ANKRD62: variants seen among roughly 807,000 people sequenced by gnomAD.
ANKRD62 encodes ankyrin repeat domain 62.
In ANKRD62, 61 loss-of-function variants were observed where a neutral mutation model predicts 98.8. The observed-to-expected ratio is 0.62, with a 90% CI of 0.50 to 0.76. ANKRD62 has a LOEUF of 0.76. Among genes scored for constraint, ANKRD62 ranks in the 30% least tolerant of loss-of-function variants. ANKRD62 has a pLI of 0.00. For missense variants in ANKRD62, 933 were observed against 1,082.9 expected, an observed-to-expected ratio of 0.86 and a Z score of 1.94; for synonymous variants, 341 against 367.9, an observed-to-expected ratio of 0.93 and a Z score of 0.84.
chr18:12,166,327 TAA>T, the ANKRD62 span, among the ~76,000 whole-genome samples: 1 of 152,130 alleles, frequency 6.6e-6, no homozygotes, highest in Non-Finnish European at 1.5e-5. Flanking sequence ...TTATTCTTTT[TAA>T]TTTTTTGACT....
Position 12,125,725 on chromosome 18 carries a change from T to C in ANKRD62, c.1904T>C (p.Leu635Pro). 1.3e-6 allele frequency: 2 copies of C among 1,542,944 alleles called. No homozygotes were observed. The highest frequency in any genetic ancestry group is 1.7e-6 in the Non-Finnish European group (2 of 1,146,922). Residue 635 changes from leucine (L) to proline (P), a missense_variant, in exon 13 of 14, where the codon CTC becomes CCC. Leu to Pro is a moderately conservative substitution (Grantham distance 98). Coordinates refer to ENST00000587848, the MANE Select transcript of ANKRD62 (RefSeq NM_001277333.2). ...GTTCTGATGGATGAGAATACAATGC[T>C]CAATTCTGAGCTACAGAAGGAAAAA... is the stretch of plus-strand genomic sequence containing the variant. ...LNVLMDENTM[L>P]NSELQKEKQS...
Position 12,095,606 on chromosome 18 carries a change from G to T in ANKRD62, c.503G>T (p.Ser168Ile). 6.6e-7 allele frequency: 1 copy of T among 1,510,790 alleles called. No homozygotes were observed. Among genetic ancestry groups the T allele is most frequent in the Admixed American group, 2.1e-5 (1 of 47,816 alleles). The allele number at this position is 1,510,790 out of a possible 1,614,324, so 93.6% of individuals were successfully genotyped here. ...TATGGTGCAGATATTGAAGCAAGAAGCCAGGTATGATCAACCAATGTTCTT... is the reference window on the plus strand; with the variant it reads ...TATGGTGCAGATATTGAAGCAAGAATCCAGGTATGATCAACCAATGTTCTT... ...LAYGADIEAR[S>I]QDGHTSLLLA... The change falls in exon 3 of 14, where the codon AGC (serine) becomes ATC (isoleucine). Residue 168 changes from serine to isoleucine, a missense_variant. By Grantham distance (142) the Ser-to-Ile change is moderately radical. Coordinates refer to ENST00000587848, the MANE Select transcript of ANKRD62 (RefSeq NM_001277333.2).
chr18:12,133,667 A>G (rs1384822061), downstream of ANKRD62, among the ~76,000 whole-genome samples: 1 of 151,830 alleles, frequency 6.6e-6, no homozygotes, highest in Non-Finnish European at 1.5e-5. Context: ...GCCATTGTCT[A>G]TGTTCTTAGA....
downstream of ANKRD62, among the ~76,000 whole-genome samples, chr18:12,130,799 C>T (rs1188016430): frequency 6.6e-6 from 1 of 152,020 alleles, no homozygotes; most frequent in African/African-American, 2.4e-5. Flanking sequence ...TTCAGGCAAT[C>T]CCCTGCCCCA....
the ANKRD62 span, among the ~76,000 whole-genome samples, chr18:12,149,781 CTAT>C: frequency 5.2e-5 from 7 of 135,102 alleles, no homozygotes; most frequent in African/African-American, 2.0e-4. Context: ...GAAAAGAAGT[CTAT>C]TGACTGTACT....
chr18:12,135,256 T>G, the ANKRD62 span, among the ~76,000 whole-genome samples: 2 of 138,242 alleles, frequency 1.4e-5, no homozygotes, highest in African/African-American at 5.6e-5. Context: ...TGTGTTCTCA[T>G]TGTTCAATTC....
At chr18:12,132,659 C>A (rs1470407700), downstream of ANKRD62, among the ~76,000 whole-genome samples, 1 of 151,934 alleles carries the variant, frequency 6.6e-6, no homozygotes, top group Non-Finnish European at 1.5e-5. Context: ...TCTTGTATCT[C>A]CAGTTTGCTG....
the ANKRD62 span, among the ~76,000 whole-genome samples, chr18:12,140,416 A>T: frequency 6.6e-6 from 1 of 152,096 alleles, no homozygotes; most frequent in Admixed American, 6.5e-5. Flanking sequence ...GGAGGAGAAG[A>T]GGCACTCTGA....
chr18:12,102,408 G>A (rs8095647), intron 6 of ANKRD62: 309,047 of 520,542 alleles, frequency 0.59, 94,610 homozygotes, highest in Middle Eastern at 0.7. Flanking sequence ...ACTGGGGTTC[G>A]CAGCAACAGA....
chr18:12,112,872 A>G (rs534508774), intron 8 of ANKRD62, among the ~76,000 whole-genome samples: 53 of 152,268 alleles, frequency 3.5e-4, no homozygotes, highest in African/African-American at 1.3e-3. Context: ...AAAACCCCAT[A>G]AAAAGTGGGC....
Position 12,115,236 on chromosome 18 carries a change from CCATT to C in ANKRD62, c.1098+119_1098+122del. The C allele has an allele frequency of 2.3e-6, 3 of 1,283,196 alleles. No homozygotes were observed. The South Asian group carries it at 5.4e-5, about 23-fold the overall frequency. 79.5% of individuals were successfully genotyped at this position (1,283,196 alleles called of 1,614,324 possible). On this transcript the variant is annotated intron_variant, in intron 9 of 13. Transcript: ENST00000587848. Reference sequence around the variant, plus strand: ...ATTGACTTTGATAAAGCAGCGGTAACCATTCATAAAAGCACCCTTTTAACCAAAG... The same window carrying C: ...ATTGACTTTGATAAAGCAGCGGTAACCATAAAAGCACCCTTTTAACCAAAG...
At position 12,124,218 on chromosome 18, in the gene ANKRD62, G is replaced by A. The variant is rs576062956; in HGVS notation, c.1536G>A (p.Met512Ile). The A allele has an allele frequency of 3.1e-5, 44 of 1,420,008 alleles. 1 individual carries two copies. In the East Asian group the frequency reaches 4.0e-4, roughly 13 times the overall value. 88.0% of individuals were successfully genotyped at this position (1,420,008 alleles called of 1,614,324 possible). The change falls in exon 12 of 14, where the codon ATG becomes ATA. Residue 512 changes from methionine to isoleucine, a missense_variant. Met to Ile is a conservative substitution (Grantham distance 10). This residue lies in a region of ANKRD62 where 22 missense variants were observed against 60.5 expected (regional missense o/e 0.36). Transcript: ENST00000587848. ...YEKDIEELKI[M>I]EEQYRTQTEV... ...AAGATATAGAAGAGTTAAAAATAAT[G>A]GAAGAGCAATATAGGACACAAACTG...
chr18:12,102,177 G>C, intron 6 of ANKRD62: 9 of 939,862 alleles, frequency 9.6e-6, no homozygotes, highest in African/African-American at 1.6e-5. Context: ...GAAGAGTGAG[G>C]GTTGCAGCAA....
chr18:12,159,761 T>C, the ANKRD62 span, among the ~76,000 whole-genome samples: 724 of 152,334 alleles, frequency 4.8e-3, 17 homozygotes, highest in East Asian at 0.091. Flanking sequence ...TAATTATTAT[T>C]ATTAGTTACT....
chr18:12,127,953 A>G lies in ANKRD62; in HGVS notation c.*14A>G. On this transcript the variant is annotated 3_prime_UTR_variant, in exon 14 of 14. Transcript: ENST00000587848. The stretch of plus-strand genomic sequence containing the variant: ...GTTACTCTGTAGCTGGTTAAATAAT[A>G]TCAAGTGTTTCAGGACACTAGTTTC... 3 of 1,390,280 alleles carry G rather than the reference A, an allele frequency of 2.2e-6. No homozygotes were observed. Among genetic ancestry groups the G allele is most frequent in the East Asian group, 2.7e-5 (1 of 36,734 alleles). The allele number at this position is 1,390,280 out of a possible 1,614,324, so 86.1% of individuals were successfully genotyped here. A position where few individuals can be genotyped will look rare whatever the true frequency, so the allele number is the denominator to read the frequency against.
chr18:12,163,786 C>A, the ANKRD62 span, among the ~76,000 whole-genome samples: 20 of 151,952 alleles, frequency 1.3e-4, no homozygotes, highest in Admixed American at 1.3e-3. Flanking sequence ...TGGTTTTTGT[C>A]TTTCATCCTG....
the ANKRD62 span, among the ~76,000 whole-genome samples, chr18:12,150,485 C>T: frequency 6.6e-6 from 1 of 152,084 alleles, no homozygotes; most frequent in Non-Finnish European, 1.5e-5. Flanking sequence ...ATACCATCCC[C>T]AAGACATATA....
chr18:12,160,719 C>T, the ANKRD62 span, among the ~76,000 whole-genome samples: 17 of 152,180 alleles, frequency 1.1e-4, no homozygotes, highest in African/African-American at 4.1e-4. Flanking sequence ...CTGTAATTCA[C>T]CTTCTTTATT....
chr18:12,125,808 G>T lies in ANKRD62; in HGVS notation c.1987G>T (p.Ala663Ser), dbSNP rs751668591. The T allele has an allele frequency of 1.2e-5, 18 of 1,549,510 alleles. No homozygotes were observed. The East Asian group carries it at 4.4e-4, about 38-fold the overall frequency. ...ATCATACCGTTGTAGACTGGCTGCT[G>T]CCCTATGTGATCATGATCAACGTCA... is the stretch of plus-strand genomic sequence containing the variant. ...MESYRCRLAA[A>S]LCDHDQRQSS... The change falls in exon 13 of 14, where the codon GCC becomes TCC. Residue 663 changes from alanine to serine, a missense_variant. By Grantham distance (99) the Ala-to-Ser change is moderately conservative (BLOSUM62 1). This residue lies in a region of ANKRD62 where 362 missense variants were observed against 434.5 expected (regional missense o/e 0.83). Coordinates refer to ENST00000587848, the MANE Select transcript of ANKRD62 (RefSeq NM_001277333.2).
Sources: gnomAD v4.1 joint callset for allele counts (sites outside exome capture counted in the v4.1 genomes callset) on GRCh38, gnomAD v4.1.1 for gene constraint, gnomAD v4.1.1 regional missense constraint, MANE v1.5 for transcripts, NCBI Gene and HGNC (gene_info 2026-07-23, HGNC 2026-07-21) for gene names.